XRN1: variants seen among roughly 807,000 people sequenced by gnomAD.
The protein encoded by XRN1 is 5'-3' exoribonuclease 1.
Under a neutral mutation model 222.3 loss-of-function variants are expected in XRN1, and 67 were observed. The observed-to-expected ratio is 0.30, with a 90% CI of 0.25 to 0.37. The LOEUF is 0.37. XRN1 is among the 10% of genes least tolerant of loss of function. XRN1 has a pLI of 1.00. For synonymous variants in XRN1, 643 were observed against 652.4 expected (o/e 0.99, Z 0.22); for missense variants, 1,707 against 2,000.2 (o/e 0.85, Z 2.80).
At chr3:142,417,118 A>G in intron 13 of XRN1, 22 bp downstream of exon 13, 1 of 1,579,554 alleles carries the variant, frequency 6.3e-7, no homozygotes, top group Non-Finnish European at 8.7e-7. Flanking sequence ...ACAAAACTTT[A>G]TTTTTGTTTT....
chr3:142,360,984 ATAAT>A (rs1246826468), intron 29 of XRN1, among the ~76,000 whole-genome samples: 1 of 152,246 alleles, frequency 6.6e-6, no homozygotes, highest in Non-Finnish European at 1.5e-5. Flanking sequence ...TTTAACATAC[ATAAT>A]TAACCATAAA....
rs759304179 is a variant in XRN1, at chr3:142,332,426, T to C, written c.4171A>G (p.Arg1391Gly). 6 of 1,612,972 alleles carry C rather than the reference T, an allele frequency of 3.7e-6. No homozygotes were observed. Among genetic ancestry groups the C allele is most frequent in the Non-Finnish European group, 5.1e-6 (6 of 1,179,304 alleles). Reference protein sequence around the residue: ...IANEIPVSSNRRDEYGLPSQP... With the variant: ...IANEIPVSSNGRDEYGLPSQP... ...GAGGGTAATCCATATTCATCTCTTC[T>C]GTTAGAGGAAACAGGGATTTCATTA... is the stretch of plus-strand genomic sequence containing the variant. The change falls in exon 36 of 41, where the codon AGA (arginine) becomes GGA (glycine). Residue 1391 changes from arginine to glycine, a missense_variant. Around this residue, in one of 2 missense-constraint regions of XRN1, gnomAD observed 473 missense variants for 482.0 expected, o/e 0.98. Transcript: ENST00000392981.
rs570214382 is a variant in XRN1 at position 142,334,386 on chromosome 3, AT to A, written c.3939+1061del. Among the ~76,000 whole-genome samples, 63 of 152,068 alleles carry A rather than the reference AT, an allele frequency of 4.1e-4. No homozygotes were observed. The South Asian group carries it at 0.012, about 29-fold the overall frequency. Reference sequence around the variant, plus strand: ...TACTATAAGAGATCAATTTAAAAAAATATATATTAAAATATGATAGGCATAC... The same window carrying A: ...TACTATAAGAGATCAATTTAAAAAAAATATATTAAAATATGATAGGCATAC... On this transcript the variant is annotated intron_variant, in intron 34 of 40. Transcript: ENST00000392981.
chr3:142,447,668 T>C lies in XRN1; in HGVS notation c.75+202A>G, dbSNP rs1271876306. Among the ~76,000 whole-genome samples the C allele has an allele frequency of 2.0e-5, 3 of 152,242 alleles. No individual in the cohort carries two copies. The highest frequency in any genetic ancestry group is 4.8e-5 in the African/African-American group (2 of 41,474). ...AGAGAAGCCGTGAACCCAGCGGCTCTGTCCACACACAGGCAACCTGCGTCC... is the reference window on the plus strand; with the variant it reads ...AGAGAAGCCGTGAACCCAGCGGCTCCGTCCACACACAGGCAACCTGCGTCC... On this transcript the variant is annotated intron_variant, in intron 1 of 40. Coordinates refer to ENST00000392981, the MANE Select transcript of XRN1 (RefSeq NM_001282857.2). This position sits in a 1 kb window ranked among gnomAD's most constrained non-coding sequence, Gnocchi z 4.2.
chr3:142,355,467 G>A lies in XRN1; in HGVS notation c.3702C>T (p.Cys1234=). ...ATCCCTGTAAGGACTGCCAAATGTT[G>A]CAGAATTCATCATCATCTTTAGTAG... ...QVPTKDDDEF[C]NIWQSLQGSG... is the part of the protein sequence containing the mutation. Residue 1234 remains cysteine (C), a synonymous_variant, in exon 32 of 41, where the codon TGC becomes TGT. Coordinates refer to ENST00000392981, the MANE Select transcript of XRN1 (RefSeq NM_001282857.2). 1.3e-6 allele frequency: 2 copies of A among 1,598,726 alleles called. No homozygotes were observed. Among genetic ancestry groups the A allele is most frequent in the Non-Finnish European group, 1.7e-6 (2 of 1,170,854 alleles).
intron 19 of XRN1, among the ~76,000 whole-genome samples, chr3:142,400,190 G>T (rs913391205): frequency 4.6e-5 from 7 of 152,128 alleles, no homozygotes; most frequent in African/African-American, 1.7e-4. Context: ...TTCTAGAAAA[G>T]AATTAGGATA....
intron 20 of XRN1, among the ~76,000 whole-genome samples, chr3:142,389,478 T>C (rs977851419): frequency 2.0e-5 from 3 of 152,170 alleles, no homozygotes; most frequent in African/African-American, 7.2e-5. Context: ...ATGGCATCTA[T>C]AATAGTGAAT....
chr3:142,432,974 T>C (rs1380582346), intron 1 of XRN1, 81 bp from the exon 2 acceptor site: 1 of 1,069,414 alleles, frequency 9.4e-7, no homozygotes, highest in Non-Finnish European at 1.3e-6. Context: ...AAGTGATTAT[T>C]CAATGATGAA....
At chr3:142,412,093 G>C (rs1053805944) in intron 15 of XRN1, among the ~76,000 whole-genome samples, 1 of 152,094 alleles carries the variant, frequency 6.6e-6, no homozygotes, top group Non-Finnish European at 1.5e-5. Flanking sequence ...CAAAGTGCTG[G>C]GATTACAGGC....
At chr3:142,380,685 G>C (rs943725549) in intron 22 of XRN1, among the ~76,000 whole-genome samples, 1 of 151,670 alleles carries the variant, frequency 6.6e-6, no homozygotes, top group Non-Finnish European at 1.5e-5. Context: ...ACAGGGTCTT[G>C]CTCTGTCATC....
chr3:142,439,851 C>T (rs2108201505), intron 1 of XRN1, among the ~76,000 whole-genome samples: 1 of 152,260 alleles, frequency 6.6e-6, no homozygotes, highest in South Asian at 2.1e-4. Flanking sequence ...CCTAAAAGGG[C>T]TTGCTTCCAG....
intron 16 of XRN1, among the ~76,000 whole-genome samples, chr3:142,404,531 G>A (rs897685222): frequency 1.1e-4 from 16 of 152,114 alleles, no homozygotes; most frequent in African/African-American, 2.9e-4. Flanking sequence ...TGGCTGGGGG[G>A]TATAATCAAT....
chr3:142,347,178 A>AC, intron 33 of XRN1, 56 bp downstream of exon 33: 1 of 1,180,544 alleles, frequency 8.5e-7, no homozygotes, highest in African/African-American at 1.6e-5. Flanking sequence ...TAAAATGTTT[A>AC]TTTTTTTAAA....
intron 39 of XRN1, among the ~76,000 whole-genome samples, chr3:142,316,444 T>G (rs2065214553): frequency 6.6e-6 from 1 of 152,050 alleles, no homozygotes; most frequent in African/African-American, 2.4e-5. Flanking sequence ...TGTTTTGCCA[T>G]GTTGCCCAGG....
chr3:142,370,341 T>C (rs961480035), intron 27 of XRN1, 144 bp downstream of exon 27: 45 of 1,105,314 alleles, frequency 4.1e-5, no homozygotes, highest in Non-Finnish European at 5.3e-5. Context: ...GGTTAGAACT[T>C]TTTTAAATTA....
At chr3:142,440,404 T>C (rs940572777) in intron 1 of XRN1, among the ~76,000 whole-genome samples, 2 of 152,024 alleles carry the variant, frequency 1.3e-5, no homozygotes, top group African/African-American at 2.4e-5. Flanking sequence ...TGTTGTCCCC[T>C]GCTTGAGGAA....
chr3:142,402,728 ATTAT>A (rs1015395587), intron 18 of XRN1, among the ~76,000 whole-genome samples: 2 of 152,098 alleles, frequency 1.3e-5, no homozygotes, highest in Non-Finnish European at 2.9e-5. Flanking sequence ...AAATTCCATC[ATTAT>A]TTATCATTTC....
chr3:142,380,130 G>A lies in XRN1; in HGVS notation c.2667C>T (p.Phe889=), dbSNP rs763463268. The A allele has an allele frequency of 6.2e-7, 1 of 1,613,826 alleles. No individual in the cohort carries two copies. Among genetic ancestry groups the A allele is most frequent in the Non-Finnish European group, 8.5e-7 (1 of 1,179,926 alleles). ...VITEGRIRVI[F]SIPCEPNLDA... ...CAAGATTGGGTTCACATGGAATGCT[G>A]AAAATCACACGAATCCTACCTTCTG... Residue 889 remains phenylalanine, a synonymous_variant, in exon 23 of 41, where the codon TTC becomes TTT. Coordinates refer to ENST00000392981, the MANE Select transcript of XRN1 (RefSeq NM_001282857.2).
chr3:142,356,301 C>G (rs1005036844), intron 31 of XRN1, among the ~76,000 whole-genome samples: 2 of 152,056 alleles, frequency 1.3e-5, no homozygotes, highest in African/African-American at 4.8e-5. Context: ...TTTTAGAGGA[C>G]TTTTGCTTGT....
Sources: allele counts gnomAD v4.1 joint callset (sites outside exome capture counted in the v4.1 genomes callset), GRCh38; gene constraint gnomAD v4.1.1; regional missense constraint gnomAD v4.1.1; non-coding constraint Gnocchi (gnomAD v3.1); transcripts MANE v1.5; gene names NCBI Gene and HGNC (gene_info 2026-07-23, HGNC 2026-07-21).